Variants in TAX1BP1 observed in about 807,000 individuals in gnomAD.
TAX1BP1 encodes Tax1 binding protein 1, also known as tax1-binding protein 1.
Under a neutral mutation model 97.7 loss-of-function variants are expected in TAX1BP1, and 62 were observed. That is an observed-to-expected ratio of 0.63 (90% CI 0.52 to 0.78). The LOEUF (loss-of-function observed/expected upper bound fraction) is 0.78. Ranked by LOEUF, TAX1BP1 falls within the 30% of genes least tolerant of loss-of-function variation. The pLI, the probability that TAX1BP1 is intolerant of heterozygous loss-of-function variation, is 0.00. For synonymous variants in TAX1BP1, 340 were observed against 304.2 expected (o/e 1.12, Z -1.23); for missense variants, 867 against 916.1 (o/e 0.95, Z 0.69).
At chr7:27,793,407 G>A (rs528793405) in intron 10 of TAX1BP1, among the ~76,000 whole-genome samples, 195 bp downstream of exon 10, 26 of 152,228 alleles carry the variant, frequency 1.7e-4, no homozygotes, top group Non-Finnish European at 3.4e-4. Context: ...GCCAACAAAG[G>A]AAGCAAGGGC....
chr7:27,750,238 G>T (rs1346091905), intron 2 of TAX1BP1, among the ~76,000 whole-genome samples: 1 of 152,134 alleles, frequency 6.6e-6, no homozygotes, highest in Non-Finnish European at 1.5e-5. Context: ...CAGGAAAATG[G>T]TACAGGTTGA....
At chr7:27,803,101 T>G in intron 13 of TAX1BP1, 1 of 1,543,062 alleles carries the variant, frequency 6.5e-7, no homozygotes, top group South Asian at 1.2e-5. Flanking sequence ...ATTTCTTTCT[T>G]TATTCAGCTT....
rs567306965 is a variant in TAX1BP1, at chr7:27,793,642, T to A, written c.1410+430T>A. On this transcript the variant is annotated intron_variant, in intron 10 of 16. Coordinates refer to ENST00000396319, the MANE Select transcript of TAX1BP1 (RefSeq NM_006024.7). The stretch of plus-strand genomic sequence containing the variant: ...CATATTATGAAGATTCCTATTCCTA[T>A]TAGATTAGGAACAGTTAAAGAGTGT... Among the ~76,000 whole-genome samples the A allele has an allele frequency of 2.6e-5, 4 of 152,286 alleles. No homozygotes were observed. The East Asian group carries it at 7.7e-4, about 29-fold the overall frequency.
chr7:27,793,608 C>G (rs6978092), intron 10 of TAX1BP1, among the ~76,000 whole-genome samples: 4,534 of 152,160 alleles, frequency 0.03, 211 homozygotes, highest in African/African-American at 0.1. Flanking sequence ...TTGGCAAGTT[C>G]TTCATACTCA....
chr7:27,787,054 T>G (rs1399657190), intron 7 of TAX1BP1, among the ~76,000 whole-genome samples: 2 of 152,200 alleles, frequency 1.3e-5, no homozygotes, highest in Admixed American at 6.5e-5. Flanking sequence ...TCCAGAGTCT[T>G]GTCGTGCCAG....
chr7:27,785,169 A>G lies in TAX1BP1; in HGVS notation c.619A>G (p.Thr207Ala), dbSNP rs779216935. Reference protein sequence around the residue: ...DQLQAEQKGLTEVTQSLKMEN... With the variant: ...DQLQAEQKGLAEVTQSLKMEN... ...CCTTGTTGTCACTTCTCAGGGTCTTACTGAAGTAACACAAAGCTTAAAAAT... is the reference window on the plus strand; with the variant it reads ...CCTTGTTGTCACTTCTCAGGGTCTTGCTGAAGTAACACAAAGCTTAAAAAT... The change falls in exon 6 of 17, where the codon ACT becomes GCT. Residue 207 changes from threonine (T) to alanine (A), a missense_variant. Coordinates refer to ENST00000396319, the MANE Select transcript of TAX1BP1 (RefSeq NM_006024.7). 3.1e-6 allele frequency: 5 copies of G among 1,607,308 alleles called. No individual in the cohort carries two copies. Among genetic ancestry groups the G allele is most frequent in the Admixed American group, 1.7e-5 (1 of 58,754 alleles).
chr7:27,772,067 T>G (rs1352830487), intron 5 of TAX1BP1: 3 of 151,922 alleles, frequency 2.0e-5, no homozygotes, highest in Admixed American at 2.0e-4. Context: ...ATAAGACATA[T>G]GTGGTGACAA....
Position 27,816,400 on chromosome 7 carries a change from A to G in TAX1BP1, c.1816A>G (p.Asn606Asp), listed in dbSNP as rs1790769075. Residue 606 changes from asparagine (N) to aspartate (D), a missense_variant, in exon 14 of 17, where the codon AAT (asparagine) becomes GAT (aspartate). Physicochemically the swap from Asn to Asp is conservative, Grantham distance 23 (BLOSUM62 1). Around this residue, in one of 3 missense-constraint regions of TAX1BP1, gnomAD observed 822 missense variants for 851.4 expected, o/e 0.97. Transcript: ENST00000396319. ...NPAERKMEGQ[N>D]SQSPQCFKTC... ...AGCAGAAAGGAAAATGGAAGGTCAGAATTCCCAGAGTCCTCAATGTTTCAA... is the reference window on the plus strand; with the variant it reads ...AGCAGAAAGGAAAATGGAAGGTCAGGATTCCCAGAGTCCTCAATGTTTCAA... 1 of 1,585,800 alleles carries G rather than the reference A, an allele frequency of 6.3e-7. No individual in the cohort carries two copies. The highest frequency in any genetic ancestry group is 8.5e-7 in the Non-Finnish European group (1 of 1,172,362).
intron 3 of TAX1BP1, among the ~76,000 whole-genome samples, chr7:27,765,307 A>G (rs931228092): frequency 1.4e-4 from 22 of 151,966 alleles, no homozygotes; most frequent in African/African-American, 4.8e-4. Flanking sequence ...GGCATGAGCC[A>G]CCGCACTGGG....
At chr7:27,800,845 C>A (rs990713215) in intron 13 of TAX1BP1, among the ~76,000 whole-genome samples, 6 of 152,106 alleles carry the variant, frequency 3.9e-5, no homozygotes, top group African/African-American at 1.4e-4. Flanking sequence ...TGGCTCACGC[C>A]GGTAATCCCA....
At chr7:27,821,443 C>G (rs1790969755) in intron 15 of TAX1BP1, among the ~76,000 whole-genome samples, 1 of 151,730 alleles carries the variant, frequency 6.6e-6, no homozygotes, top group African/African-American at 2.4e-5. Context: ...CCAGCCTGGC[C>G]AACATGGCAA....
At chr7:27,747,395 G>A (rs1219648269) in intron 1 of TAX1BP1, among the ~76,000 whole-genome samples, 5 of 152,074 alleles carry the variant, frequency 3.3e-5, no homozygotes, top group African/African-American at 1.2e-4. Flanking sequence ...GCCAGTGAGC[G>A]TTCATGAATC....
intron 3 of TAX1BP1, among the ~76,000 whole-genome samples, chr7:27,760,706 C>T (rs192817175): frequency 2.7e-4 from 41 of 152,226 alleles, no homozygotes; most frequent in Admixed American, 2.6e-3. Flanking sequence ...AAAATTTTTA[C>T]AGTGATCCCT....
intron 2 of TAX1BP1, among the ~76,000 whole-genome samples, chr7:27,754,926 C>A (rs1449423872): frequency 6.6e-6 from 1 of 152,048 alleles, no homozygotes; most frequent in African/African-American, 2.4e-5. Flanking sequence ...GCTGGCATAT[C>A]TCATGCCTTT....
chr7:27,785,476 A>T lies in TAX1BP1; in HGVS notation c.839A>T (p.Lys280Met). 5 of 1,611,410 alleles carry T rather than the reference A, an allele frequency of 3.1e-6. No individual in the cohort carries two copies. In the South Asian group the frequency reaches 5.5e-5, roughly 18 times the overall value. Residue 280 changes from lysine to methionine, a missense_variant, in exon 7 of 17, where the codon AAG becomes ATG. Transcript: ENST00000396319. ...CAGTTGAAGACAGAGAAGGATGAAAAGGAACTTTATAAGGTAATTTATTTT... is the reference window on the plus strand; with the variant it reads ...CAGTTGAAGACAGAGAAGGATGAAATGGAACTTTATAAGGTAATTTATTTT... ...ECQLKTEKDEKELYKVHLKNT... is the reference protein window; with the variant it reads ...ECQLKTEKDEMELYKVHLKNT...
At chr7:27,762,292 T>C (rs1399968481) in intron 3 of TAX1BP1, among the ~76,000 whole-genome samples, 3 of 152,206 alleles carry the variant, frequency 2.0e-5, no homozygotes, top group Non-Finnish European at 2.9e-5. Flanking sequence ...AATTTAGGTG[T>C]GTATTGGAAC....
chr7:27,793,339 G>A (rs185967460), intron 10 of TAX1BP1, 127 bp downstream of exon 10: 11 of 870,894 alleles, frequency 1.3e-5, no homozygotes, highest in Non-Finnish European at 4.9e-6. Context: ...TCAAGTCATT[G>A]GCCAAATATT....
At chr7:27,814,553 TTAGTG>T (rs1790689355) in intron 13 of TAX1BP1, among the ~76,000 whole-genome samples, 1 of 152,226 alleles carries the variant, frequency 6.6e-6, no homozygotes, top group African/African-American at 2.4e-5. Context: ...ATTATTTTGT[TTAGTG>T]TATAGGCTTT....
At chr7:27,818,420 A>G (rs1790859171) in intron 15 of TAX1BP1, among the ~76,000 whole-genome samples, 1 of 152,184 alleles carries the variant, frequency 6.6e-6, no homozygotes, top group South Asian at 2.1e-4. Flanking sequence ...ATCACTTGCA[A>G]ATGAAGTGTT....
Sources: gnomAD v4.1 joint callset for allele counts (sites outside exome capture counted in the v4.1 genomes callset) on GRCh38, gnomAD v4.1.1 for gene constraint, gnomAD v4.1.1 regional missense constraint, MANE v1.5 for transcripts, NCBI Gene and HGNC (gene_info 2026-07-23, HGNC 2026-07-21) for gene names.